Variants in MYH9 observed in about 807,000 individuals in gnomAD.
MYH9 encodes the protein myosin heavy chain 9.
A neutral mutation model predicts 241.9 loss-of-function variants in MYH9; 29 were observed. The observed-to-expected ratio is 0.12, with a 90% CI of 0.09 to 0.16. The LOEUF is 0.16. Ranked by LOEUF, MYH9 falls within the 10% of genes least tolerant of loss-of-function variation. MYH9 has a pLI of 1.00. For missense variants in MYH9, 1,803 were observed against 2,595.5 expected, an observed-to-expected ratio of 0.69 and a Z score of 6.63; for synonymous variants, 1,047 against 1,062.6, an observed-to-expected ratio of 0.99 and a Z score of 0.29.
intron 13 of MYH9, 137 bp from the exon 14 acceptor site, chr22:36,312,359 G>T: frequency 1.4e-6 from 1 of 705,498 alleles, no homozygotes; most frequent in Non-Finnish European, 2.3e-6. Flanking sequence ...GAGAAGCAAA[G>T]CACTGTTGAA....
At chr22:36,313,215 G>GGCC (rs2017093919) in intron 13 of MYH9, among the ~76,000 whole-genome samples, 1 of 151,902 alleles carries the variant, frequency 6.6e-6, no homozygotes, top group Non-Finnish European at 1.5e-5. Flanking sequence ...TGTAATCCCA[G>GGCC]TACTTTGGGA....
chr22:36,352,385 G>A (rs934621319), intron 1 of MYH9, among the ~76,000 whole-genome samples: 1 of 152,220 alleles, frequency 6.6e-6, no homozygotes, highest in African/African-American at 2.4e-5. Context: ...CAGCCCATCA[G>A]CAGTGGCAGA....
At chr22:36,341,886 C>T (rs894843911) in intron 2 of MYH9, among the ~76,000 whole-genome samples, 1 of 152,242 alleles carries the variant, frequency 6.6e-6, no homozygotes, top group Non-Finnish European at 1.5e-5. Context: ...TCTTTGTCAT[C>T]GTGAGAGAGG....
chr22:36,377,219 T>C (rs536702663), intron 1 of MYH9, among the ~76,000 whole-genome samples: 7 of 152,178 alleles, frequency 4.6e-5, no homozygotes, highest in Non-Finnish European at 1.0e-4. Context: ...GACAGCGAGT[T>C]CTCAAATCTT....
At chr22:36,381,970 C>G (rs971329840) in intron 1 of MYH9, among the ~76,000 whole-genome samples, 2 of 152,098 alleles carry the variant, frequency 1.3e-5, no homozygotes, top group Non-Finnish European at 2.9e-5. Flanking sequence ...TACTGCCAAA[C>G]AACTTTCTTT....
intron 21 of MYH9, 131 bp from the exon 22 acceptor site, chr22:36,301,188 G>A: frequency 1.1e-6 from 1 of 900,638 alleles, no homozygotes; most frequent in South Asian, 1.4e-5. Context: ...TTCATCTGGA[G>A]AGCTCTGAAG....
chr22:36,382,198 G>A (rs1215893458), intron 1 of MYH9, among the ~76,000 whole-genome samples: 1 of 152,200 alleles, frequency 6.6e-6, no homozygotes, highest in Non-Finnish European at 1.5e-5. Flanking sequence ...GTGCTGGCCA[G>A]GTGCGGTGGC....
intron 1 of MYH9, among the ~76,000 whole-genome samples, chr22:36,385,508 C>T (rs929074669): frequency 3.3e-5 from 5 of 152,132 alleles, no homozygotes; most frequent in African/African-American, 4.8e-5. Flanking sequence ...GATTAACATG[C>T]GTCCTTCATC....
At chr22:36,358,837 T>C (rs1285296427) in intron 1 of MYH9, among the ~76,000 whole-genome samples, 2 of 152,252 alleles carry the variant, frequency 1.3e-5, no homozygotes, top group Non-Finnish European at 2.9e-5. Context: ...TTCATTGATA[T>C]TATTTGATCA....
Position 36,322,544 on chromosome 22 carries a change from G to A in MYH9, c.613-23C>T, listed in dbSNP as rs367544185. The A allele has an allele frequency of 1.9e-6, 3 of 1,612,584 alleles. No individual in the cohort carries two copies. In the East Asian group the frequency reaches 6.7e-5, roughly 36 times the overall value. Reference sequence around the variant, plus strand: ...GCCCTGCAAGGAACCCAGGGACGCAGTGAAGGCCGGGCAGCGACCTGGGCT... The same window carrying A: ...GCCCTGCAAGGAACCCAGGGACGCAATGAAGGCCGGGCAGCGACCTGGGCT... On this transcript the variant is annotated intron_variant, in intron 5 of 40. Coordinates refer to ENST00000216181, the MANE Select transcript of MYH9 (RefSeq NM_002473.6).
chr22:36,294,377 A>G, intron 27 of MYH9, 79 bp from the exon 28 acceptor site: 3 of 1,465,132 alleles, frequency 2.0e-6, no homozygotes, highest in Non-Finnish European at 2.8e-6. Context: ...TGGACCCTAG[A>G]TCCAGACATC....
intron 11 of MYH9, among the ~76,000 whole-genome samples, chr22:36,317,824 C>A (rs61594085): frequency 1.3e-5 from 2 of 152,248 alleles, no homozygotes; most frequent in Non-Finnish European, 2.9e-5. Flanking sequence ...TTGGCACAGG[C>A]TCGAGGATGG....
chr22:36,283,541 AAAAAAAAAC>A (rs572594798), intron 40 of MYH9, among the ~76,000 whole-genome samples: 228 of 151,938 alleles, frequency 1.5e-3, no homozygotes, highest in African/African-American at 4.9e-3. Context: ...CCGTCTCAAA[AAAAAAAAAC>A]AAAAAAAATA....
At chr22:36,286,121 T>C (rs1021751804) in intron 35 of MYH9, 168 bp from the exon 36 acceptor site, 4 of 692,376 alleles carry the variant, frequency 5.8e-6, no homozygotes, top group South Asian at 1.6e-5. Context: ...CCTGAAGATA[T>C]AGCTTAAACA....
At chr22:36,338,872 G>T (rs1001043309) in intron 3 of MYH9, among the ~76,000 whole-genome samples, 5 of 151,524 alleles carry the variant, frequency 3.3e-5, no homozygotes, top group Non-Finnish European at 7.4e-5. Flanking sequence ...CTCATAATTT[G>T]CAAATCTGAT....
At chr22:36,365,143 GC>G (rs1447198264) in intron 1 of MYH9, 2 of 152,230 alleles carry the variant, frequency 1.3e-5, no homozygotes, top group Non-Finnish European at 2.9e-5. Context: ...TCTCAAGACA[GC>G]CTGTGTCACC....
chr22:36,315,073 C>A (rs1249080812), intron 12 of MYH9, among the ~76,000 whole-genome samples: 1 of 152,040 alleles, frequency 6.6e-6, no homozygotes, highest in Admixed American at 6.5e-5. Context: ...AGTGAGCCAC[C>A]GCACCCGGCC....
chr22:36,381,431 C>G (rs2018253388), intron 1 of MYH9, among the ~76,000 whole-genome samples: 1 of 151,308 alleles, frequency 6.6e-6, no homozygotes, highest in South Asian at 2.1e-4. Context: ...GCAGGAGAAT[C>G]ACATGAACCC....
At chr22:36,384,356 G>A (rs1199624443) in intron 1 of MYH9, among the ~76,000 whole-genome samples, 1 of 150,882 alleles carries the variant, frequency 6.6e-6, no homozygotes, top group Admixed American at 6.6e-5. Flanking sequence ...GCCGAGATGG[G>A]CAGATCACCT....
Sources: gnomAD v4.1 joint callset for allele counts (sites outside exome capture counted in the v4.1 genomes callset) on GRCh38, gnomAD v4.1.1 for gene constraint, MANE v1.5 for transcripts, NCBI Gene and HGNC (gene_info 2026-07-23, HGNC 2026-07-21) for gene names.